The following CD55 variants were observed in gnomAD, a reference collection of about 807,000 sequenced individuals.
CD55 encodes complement decay-accelerating factor.
In CD55, 41 loss-of-function variants were observed where a neutral mutation model predicts 45.8. That is an observed-to-expected ratio of 0.90 (90% CI 0.70 to 1.16). CD55 has a LOEUF of 1.16. Ranked by LOEUF, CD55 falls within the 50% of genes most tolerant of loss-of-function variation. The pLI is 0.00. For missense variants in CD55, 416 were observed against 469.8 expected (o/e 0.89, Z 1.06); for synonymous variants, 181 against 181.1 (o/e 1.00, Z 0.01).
chr1:207,342,133 G>A (rs1572891273), intron 9 of CD55, among the ~76,000 whole-genome samples: 1 of 151,864 alleles, frequency 6.6e-6, no homozygotes, highest in South Asian at 2.1e-4. Flanking sequence ...AAGAGTTTTT[G>A]GTGAAGTCTT....
chr1:207,358,006 C>A (rs1375961436), intron 9 of CD55, among the ~76,000 whole-genome samples: 1 of 152,156 alleles, frequency 6.6e-6, no homozygotes, highest in Admixed American at 6.5e-5. Flanking sequence ...CACCTATTTT[C>A]AGATTGCAGT....
intron 9 of CD55, among the ~76,000 whole-genome samples, chr1:207,339,720 T>C (rs1655337171): frequency 6.6e-6 from 1 of 152,166 alleles, no homozygotes; most frequent in South Asian, 2.1e-4. Context: ...AACATTTCAC[T>C]AAGTAACCTT....
In CD55 at chr1:207,325,686, A is replaced by G; in HGVS notation, c.543A>G (p.Leu181=). 6.2e-7 allele frequency: 1 copy of G among 1,610,836 alleles called. No homozygotes were observed. The highest frequency in any genetic ancestry group is 8.5e-7 in the Non-Finnish European group (1 of 1,177,756). ...AGATTGATGTACCAGGTGGCATATT[A>G]TTTGGTGCAACCATCTCCTTCTCAT... ...NGQIDVPGGI[L]FGATISFSCN... Residue 181 remains leucine, a synonymous_variant, in exon 4 of 10, where the codon TTA becomes TTG. Coordinates refer to ENST00000367064, the MANE Select transcript of CD55 (RefSeq NM_000574.5).
chr1:207,340,414 G>A, intron 9 of CD55: 2 of 497,476 alleles, frequency 4.0e-6, no homozygotes, highest in Non-Finnish European at 7.2e-6. Context: ...CACCCAGGCT[G>A]GTATGCGGTG....
At chr1:207,338,298 T>G (rs552694233) in intron 8 of CD55, among the ~76,000 whole-genome samples, 28 of 152,314 alleles carry the variant, frequency 1.8e-4, no homozygotes, top group African/African-American at 6.5e-4. Flanking sequence ...ATTGGTTTTG[T>G]GGCTTACATT....
intron 9 of CD55, chr1:207,340,887 G>A (rs575713448): frequency 1.1e-4 from 34 of 322,688 alleles, no homozygotes; most frequent in African/African-American, 6.8e-4. Flanking sequence ...TTCCACAGTG[G>A]TTGTACTAAT....
intron 9 of CD55, among the ~76,000 whole-genome samples, chr1:207,339,967 A>G (rs1254445896): frequency 6.6e-6 from 1 of 152,150 alleles, no homozygotes; most frequent in East Asian, 1.9e-4. Context: ...TGTTGGAAAC[A>G]TTTTAGGTCC....
intron 9 of CD55, among the ~76,000 whole-genome samples, chr1:207,351,760 A>G (rs999414642): frequency 9.2e-5 from 14 of 152,286 alleles, no homozygotes; most frequent in South Asian, 2.1e-4. Flanking sequence ...CACCTGCTCA[A>G]TGGCACTCAA....
chr1:207,339,479 T>G, intron 9 of CD55, 62 bp downstream of exon 9: 2 of 1,213,722 alleles, frequency 1.6e-6, no homozygotes, highest in African/African-American at 1.5e-5. Flanking sequence ...ACAATCCATA[T>G]TCCTGGGAGA....
In CD55 at chr1:207,360,033, C is replaced by T. The variant is rs998805560; in HGVS notation, c.*423C>T. On this transcript the variant is annotated 3_prime_UTR_variant, in exon 10 of 10. Coordinates refer to ENST00000367064, the MANE Select transcript of CD55 (RefSeq NM_000574.5). ...AGCAAATAAAAACCCAATTCAGTCT[C>T]TTCTAAGCAAAATTGCTAAAGAGAG... 1 of 153,364 alleles carries T rather than the reference C, an allele frequency of 6.5e-6. No homozygotes were observed. The highest frequency in any genetic ancestry group is 1.5e-5 in the Non-Finnish European group (1 of 68,842). The allele number at this position is 153,364 out of a possible 1,614,324, so 9.5% of individuals were successfully genotyped here.
chr1:207,331,804 C>T (rs1261706615), intron 6 of CD55, among the ~76,000 whole-genome samples: 1 of 152,106 alleles, frequency 6.6e-6, no homozygotes, highest in African/African-American at 2.4e-5. Context: ...GTTTTTCTTT[C>T]AATGTCTTTT....
In CD55 at chr1:207,356,102, C is replaced by T. The variant is rs544343828; in HGVS notation, c.1082-3444C>T. Among the ~76,000 whole-genome samples, 39 of 152,208 alleles carry T rather than the reference C, an allele frequency of 2.6e-4. No homozygotes were observed. In the Middle Eastern group the frequency reaches 0.01, roughly 40 times the overall value. On this transcript the variant is annotated intron_variant, in intron 9 of 9. Transcript: ENST00000367064. ...AAACTATAATGTAATTTTAATTGCT[C>T]ATGTTTCTATTAACTGTGTTACCAT...
At chr1:207,335,181 CATAGTT>C (rs67243660) in intron 6 of CD55, among the ~76,000 whole-genome samples, 42,015 of 151,722 alleles carry the variant, frequency 0.28, 6,006 homozygotes, top group African/African-American at 0.35. Flanking sequence ...AATACACACT[CATAGTT>C]AGAAAATTCC....
At chr1:207,321,894 C>T in intron 1 of CD55, 29 bp downstream of exon 1, 3 of 1,464,952 alleles carry the variant, frequency 2.0e-6, no homozygotes, top group East Asian at 2.5e-5. Context: ...GCCGGGGAAG[C>T]CCCTGGGCTG....
At chr1:207,353,736 A>G (rs1199161662) in intron 9 of CD55, among the ~76,000 whole-genome samples, 1 of 152,224 alleles carries the variant, frequency 6.6e-6, no homozygotes, top group Non-Finnish European at 1.5e-5. Context: ...ACAGAGGTAC[A>G]GAAAATCCAA....
At chr1:207,353,946 AC>A in intron 9 of CD55, 1 of 1,498,062 alleles carries the variant, frequency 6.7e-7, no homozygotes, top group South Asian at 1.2e-5. Flanking sequence ...ATAAGCAAGA[AC>A]AAAACCTTTC....
At chr1:207,358,805 GT>G (rs1227788146) in intron 9 of CD55, among the ~76,000 whole-genome samples, 3 of 152,064 alleles carry the variant, frequency 2.0e-5, no homozygotes, top group Non-Finnish European at 4.4e-5. Flanking sequence ...CATATCGTCA[GT>G]TCTGGACTTG....
intron 9 of CD55, chr1:207,354,128 C>A: frequency 1.3e-6 from 2 of 1,512,698 alleles, no homozygotes; most frequent in South Asian, 2.4e-5. Context: ...AAGTTGGGTT[C>A]TTTGGCAGTG....
chr1:207,350,261 C>G, intron 9 of CD55: 1 of 317,808 alleles, frequency 3.1e-6, no homozygotes, highest in East Asian at 1.2e-4. Context: ...ATTTGATCTG[C>G]TAGTATTTTG....
Sources: allele counts gnomAD v4.1 joint callset (sites outside exome capture counted in the v4.1 genomes callset), GRCh38; gene constraint gnomAD v4.1.1; transcripts MANE v1.5; gene names NCBI Gene and HGNC (gene_info 2026-07-23, HGNC 2026-07-21).